The following TDRD7 variants were observed in gnomAD, a reference collection of about 807,000 sequenced individuals.
TDRD7 encodes tudor domain-containing protein 7.
In TDRD7, 47 loss-of-function variants were observed where a neutral mutation model predicts 109.8. The ratio of observed to expected loss-of-function variants is 0.43; its 90% CI spans 0.34 to 0.55. The LOEUF is 0.55. Ranked by LOEUF, TDRD7 falls within the 20% of genes least tolerant of loss-of-function variation. The probability of loss-of-function intolerance (pLI) is 0.03; values close to 1 mark genes in which losing one functional copy is unlikely to be tolerated. For missense variants in TDRD7, 1,164 were observed against 1,319.2 expected (o/e 0.88, Z 1.82); for synonymous variants, 424 against 457.3 (o/e 0.93, Z 0.93).
intron 6 of TDRD7, among the ~76,000 whole-genome samples, chr9:97,448,809 G>A (rs1828442051): frequency 6.6e-6 from 1 of 152,112 alleles, no homozygotes; most frequent in Admixed American, 6.5e-5. Flanking sequence ...ACTACCCTGT[G>A]GAAACAAAAC....
At chr9:97,416,575 C>A (rs1827814687) in intron 1 of TDRD7, among the ~76,000 whole-genome samples, 1 of 152,140 alleles carries the variant, frequency 6.6e-6, no homozygotes, top group Non-Finnish European at 1.5e-5. Flanking sequence ...CCTGACAGGG[C>A]CTAATCTGGC....
At chr9:97,447,587 AG>A (rs1431528240) in intron 6 of TDRD7, among the ~76,000 whole-genome samples, 1 of 152,236 alleles carries the variant, frequency 6.6e-6, no homozygotes, top group African/African-American at 2.4e-5. Flanking sequence ...TAACTTGAAA[AG>A]AAATAAAGAG....
At chr9:97,414,370 T>G (rs1827777498) in intron 1 of TDRD7, among the ~76,000 whole-genome samples, 1 of 152,278 alleles carries the variant, frequency 6.6e-6, no homozygotes, top group Non-Finnish European at 1.5e-5. Context: ...TTTTAGCCTG[T>G]GCAGCTTTGT....
rs781621454 is a variant in TDRD7 at position 97,470,650 on chromosome 9, T to C, written c.1722T>C (p.Ala574=). The change falls in exon 9 of 17, where the codon GCT becomes GCC. Residue 574 remains alanine, a synonymous_variant. Transcript: ENST00000355295. ...AGTTTTGTTCACTCTCATTTCAAGC[T>C]ACAAAATGTAAGCTTGCAGGTAAGA... is the stretch of plus-strand genomic sequence containing the variant. The part of the protein sequence containing the change: ...NPKFCSLSFQ[A]TKCKLAGLEV... 3 of 1,613,822 alleles carry C rather than the reference T, an allele frequency of 1.9e-6. No individual in the cohort carries two copies. The Admixed American group carries it at 5.0e-5, about 27-fold the overall frequency.
At chr9:97,470,875 G>A (rs149612550) in intron 9 of TDRD7, among the ~76,000 whole-genome samples, 77 of 152,184 alleles carry the variant, frequency 5.1e-4, no homozygotes, top group Middle Eastern at 6.8e-3. Context: ...ATATAAAAAC[G>A]TATTATAATT....
At chr9:97,429,983 A>G (rs894696723) in intron 2 of TDRD7, among the ~76,000 whole-genome samples, 2 of 152,148 alleles carry the variant, frequency 1.3e-5, no homozygotes, top group African/African-American at 4.8e-5. Context: ...TGGGTAGGTA[A>G]CATTTGTTTT....
At chr9:97,451,860 T>C (rs1554746089) in intron 6 of TDRD7, among the ~76,000 whole-genome samples, 2 of 152,200 alleles carry the variant, frequency 1.3e-5, no homozygotes, top group Non-Finnish European at 2.9e-5. Flanking sequence ...AATTAATTGA[T>C]TGACTGAAGT....
intron 6 of TDRD7, among the ~76,000 whole-genome samples, chr9:97,444,336 A>C (rs768370490): frequency 6.6e-6 from 1 of 152,226 alleles, no homozygotes; most frequent in Non-Finnish European, 1.5e-5. Context: ...GGATGCCAGA[A>C]AACACCAATC....
At chr9:97,465,643 T>C (rs531530372) in intron 8 of TDRD7, among the ~76,000 whole-genome samples, 1 of 152,278 alleles carries the variant, frequency 6.6e-6, no homozygotes, top group South Asian at 2.1e-4. Context: ...TCTCAGGGCC[T>C]TGGAACACCC....
intron 1 of TDRD7, among the ~76,000 whole-genome samples, chr9:97,425,475 A>T (rs1303770306): frequency 1.3e-5 from 2 of 152,200 alleles, no homozygotes; most frequent in South Asian, 4.1e-4. Flanking sequence ...AATAGGTTAT[A>T]CCATATAGCC....
rs918257471 is a variant in TDRD7, at chr9:97,475,533, A to C, written c.2166+64A>C. On this transcript the variant is annotated intron_variant, in intron 12 of 16. Coordinates refer to ENST00000355295, the MANE Select transcript of TDRD7 (RefSeq NM_014290.3). ...TGTGAAATATTTCAAATATACACATAGGTTTTTTTAAAAAATTGAATAAAT... is the reference window on the plus strand; with the variant it reads ...TGTGAAATATTTCAAATATACACATCGGTTTTTTTAAAAAATTGAATAAAT... 6 of 1,177,760 alleles carry C rather than the reference A, an allele frequency of 5.1e-6. No individual in the cohort carries two copies. The African/African-American group carries it at 9.2e-5, about 18-fold the overall frequency. 73.0% of individuals were successfully genotyped at this position (1,177,760 alleles called of 1,614,324 possible).
At chr9:97,478,878 C>T (rs1829068078) in intron 13 of TDRD7, among the ~76,000 whole-genome samples, 1 of 151,864 alleles carries the variant, frequency 6.6e-6, no homozygotes, top group South Asian at 2.1e-4. Context: ...TGTACAGTTC[C>T]AGAATATTGT....
At chr9:97,449,655 C>T (rs926154267) in intron 6 of TDRD7, among the ~76,000 whole-genome samples, 7 of 152,182 alleles carry the variant, frequency 4.6e-5, no homozygotes, top group Admixed American at 2.0e-4. Flanking sequence ...GGCTTCATTA[C>T]GCAGGCATGT....
chr9:97,430,885 A>G (rs973942058), intron 2 of TDRD7, 48 bp from the exon 3 acceptor site: 2 of 1,612,706 alleles, frequency 1.2e-6, no homozygotes, highest in African/African-American at 2.7e-5. Flanking sequence ...TCTAGGCAAC[A>G]CGGAATCTGA....
intron 1 of TDRD7, among the ~76,000 whole-genome samples, chr9:97,416,190 G>A (rs1564191018): frequency 6.6e-6 from 1 of 152,284 alleles, no homozygotes; most frequent in East Asian, 1.9e-4. Context: ...TGCAAATAGA[G>A]AGTTATAGTC....
chr9:97,458,391 G>GT (rs1351244611), intron 6 of TDRD7, among the ~76,000 whole-genome samples: 11 of 152,140 alleles, frequency 7.2e-5, no homozygotes, highest in Admixed American at 1.3e-4. Context: ...ATCTTATTGA[G>GT]TGTCATAAAG....
At chr9:97,454,551 T>G (rs889367953) in intron 6 of TDRD7, among the ~76,000 whole-genome samples, 1 of 152,178 alleles carries the variant, frequency 6.6e-6, no homozygotes. Context: ...ACCACACAAT[T>G]TCATGGAAAT....
At chr9:97,469,449 T>C (rs1433029928) in intron 8 of TDRD7, among the ~76,000 whole-genome samples, 1 of 152,186 alleles carries the variant, frequency 6.6e-6, no homozygotes, top group African/African-American at 2.4e-5. Context: ...TGTCTTCTGC[T>C]TTTTTCCCTT....
chr9:97,437,825 T>G (rs1261077940), intron 4 of TDRD7, among the ~76,000 whole-genome samples: 1 of 152,218 alleles, frequency 6.6e-6, no homozygotes, highest in Non-Finnish European at 1.5e-5. Flanking sequence ...CTCTTTGTCT[T>G]TTAAGAGACA....
Sources: allele counts gnomAD v4.1 joint callset (sites outside exome capture counted in the v4.1 genomes callset), GRCh38; gene constraint gnomAD v4.1.1; transcripts MANE v1.5; gene names NCBI Gene and HGNC (gene_info 2026-07-23, HGNC 2026-07-21).